SYN2: variants seen among roughly 807,000 people sequenced by gnomAD.
SYN2 encodes the protein synapsin-2.
SYN2 carries 19 observed loss-of-function variants against 50.9 expected under a neutral mutation model. The observed-to-expected ratio is 0.37, with a 90% CI of 0.26 to 0.55. SYN2 has a LOEUF of 0.55. Among genes scored for constraint, SYN2 ranks in the 20% least tolerant of loss-of-function variants. The pLI is 0.81. For missense variants in SYN2, 587 were observed against 576.4 expected, an observed-to-expected ratio of 1.02 and a Z score of -0.19; for synonymous variants, 255 against 224.9, an observed-to-expected ratio of 1.13 and a Z score of -1.20.
rs1203518437 is a variant in SYN2, at chr3:12,030,244, G to A, written c.377+25316G>A. Among the ~76,000 whole-genome samples, 21 of 122,084 alleles carry A rather than the reference G, an allele frequency of 1.7e-4. No homozygotes were observed. The East Asian group carries it at 4.7e-3, about 27-fold the overall frequency. 80.1% of individuals were successfully genotyped at this position (122,084 alleles called of 152,430 possible). On this transcript the variant is annotated intron_variant, in intron 1 of 12. Transcript: ENST00000621198. ...GGATGAAGCCCACTTGATCATGGTG[G>A]ATAAGCTTTTTGATGTGCTGCTGGA...
intron 1 of SYN2, among the ~76,000 whole-genome samples, chr3:12,081,734 A>G (rs901950149): frequency 1.3e-5 from 2 of 152,054 alleles, no homozygotes; most frequent in Non-Finnish European, 2.9e-5. Context: ...TCTTCCACCA[A>G]TCCTCAGGTT....
chr3:12,127,133 G>T (rs1696688142), intron 1 of SYN2, among the ~76,000 whole-genome samples: 1 of 152,130 alleles, frequency 6.6e-6, no homozygotes, highest in African/African-American at 2.4e-5. Flanking sequence ...AAACACTAGG[G>T]GTAAAAATGA....
chr3:12,168,524 A>T lies in SYN2; in HGVS notation c.1158+46A>T, dbSNP rs552723894. The T allele has an allele frequency of 8.5e-6, 13 of 1,521,656 alleles. No individual in the cohort carries two copies. In the African/African-American group the frequency reaches 1.5e-4, roughly 18 times the overall value. The allele number at this position is 1,521,656 out of a possible 1,614,324, so 94.3% of individuals were successfully genotyped here. ...AAGAGGTAACTCCTAAGGCTTAAGA[A>T]CTATGTGGGCAGCTCAGACTGCCTT... On this transcript the variant is annotated intron_variant, in intron 9 of 12. Coordinates refer to ENST00000621198, the MANE Select transcript of SYN2 (RefSeq NM_133625.6).
chr3:12,187,299 A>C, intron 11 of SYN2, 70 bp from the exon 12 acceptor site: 1 of 1,462,430 alleles, frequency 6.8e-7, no homozygotes, highest in South Asian at 1.4e-5. Flanking sequence ...ACACCCTTTG[A>C]GGCATAAATT....
chr3:12,104,570 C>CTTTTTTTTTTTTTTTTTT lies in SYN2; in HGVS notation c.378-36076_378-36059dup, dbSNP rs796837275. 1.6e-3 allele frequency among the ~76,000 whole-genome samples: 132 copies of CTTTTTTTTTTTTTTTTTT among 81,702 alleles called. 1 individual carries two copies. Among genetic ancestry groups the CTTTTTTTTTTTTTTTTTT allele is most frequent in the Admixed American group, 2.5e-3 (12 of 4,748 alleles). The allele number at this position is 81,702 out of a possible 152,430, so 53.6% of individuals were successfully genotyped here. On this transcript the variant is annotated intron_variant, in intron 1 of 12. Transcript: ENST00000621198. The stretch of plus-strand genomic sequence containing the variant: ...ATGTGAAACATTTTTCTTTTCTTTT[C>CTTTTTTTTTTTTTTTTTT]TTTTTTTTTTTTTTTTTTTTTTGAG...
chr3:12,069,012 CAT>C (rs1293454890), intron 1 of SYN2, among the ~76,000 whole-genome samples: 2 of 152,188 alleles, frequency 1.3e-5, no homozygotes, highest in Non-Finnish European at 2.9e-5. Flanking sequence ...TAAATGGAGT[CAT>C]ATAATATATG....
chr3:12,150,413 G>A (rs1697254634), intron 4 of SYN2, among the ~76,000 whole-genome samples: 1 of 152,144 alleles, frequency 6.6e-6, no homozygotes, highest in Non-Finnish European at 1.5e-5. Flanking sequence ...GAAATGAAGG[G>A]GCCTTGCTGT....
At chr3:12,091,200 GAAC>G (rs2125181689) in intron 1 of SYN2, among the ~76,000 whole-genome samples, 1 of 152,226 alleles carries the variant, frequency 6.6e-6, no homozygotes, top group African/African-American at 2.4e-5. Flanking sequence ...TATATACTAA[GAAC>G]AATCATTGTG....
At chr3:12,062,830 A>G (rs1695143196) in intron 1 of SYN2, among the ~76,000 whole-genome samples, 1 of 152,060 alleles carries the variant, frequency 6.6e-6, no homozygotes, top group Admixed American at 6.6e-5. Flanking sequence ...ACTGGAAGCA[A>G]CCAAGATGTC....
chr3:12,104,538 T>TA (rs1463751473), intron 1 of SYN2, among the ~76,000 whole-genome samples: 2 of 151,172 alleles, frequency 1.3e-5, no homozygotes, highest in African/African-American at 4.8e-5. Context: ...ACCTCCGTTT[T>TA]AAGTACATGT....
chr3:12,091,776 C>G (rs1170533759), intron 1 of SYN2, among the ~76,000 whole-genome samples: 1 of 152,192 alleles, frequency 6.6e-6, no homozygotes, highest in Non-Finnish European at 1.5e-5. Context: ...CACTCAACAT[C>G]TCTGCAGGCT....
chr3:12,154,365 T>C lies in SYN2; in HGVS notation c.774+3039T>C. On this transcript the variant is annotated intron_variant, in intron 5 of 12. Coordinates refer to ENST00000621198, the MANE Select transcript of SYN2 (RefSeq NM_133625.6). ...TTCAGATGGTAGTGATGATTCAGAC[T>C]TTCCCTCTGCACCAAGGACAGGTCC... 1 of 1,614,224 alleles carries C rather than the reference T, an allele frequency of 6.2e-7. No homozygotes were observed. The highest frequency in any genetic ancestry group is 1.3e-5 in the African/African-American group (1 of 75,058).
Position 12,188,663 on chromosome 3 carries a change from A to C in SYN2, c.1613+1051A>C, listed in dbSNP as rs1382446248. On this transcript the variant is annotated intron_variant, in intron 12 of 12. Coordinates refer to ENST00000621198, the MANE Select transcript of SYN2 (RefSeq NM_133625.6). ...TACTCCTCTAATTAGTGGCAGAGCC[A>C]AGGTTGCGGGGCTCAGGTGTCCAGA... Among the ~76,000 whole-genome samples the C allele has an allele frequency of 2.6e-5, 4 of 152,054 alleles. No homozygotes were observed. The South Asian group carries it at 6.2e-4, about 24-fold the overall frequency.
intron 1 of SYN2, among the ~76,000 whole-genome samples, chr3:12,066,242 G>A (rs979923532): frequency 8.5e-5 from 13 of 152,134 alleles, no homozygotes; most frequent in Admixed American, 8.5e-4. Flanking sequence ...CCATACTGAT[G>A]TAAAATGATA....
chr3:12,112,684 G>A (rs1574947392), intron 1 of SYN2, among the ~76,000 whole-genome samples: 1 of 152,270 alleles, frequency 6.6e-6, no homozygotes, highest in East Asian at 1.9e-4. Flanking sequence ...AGAGGAGAAA[G>A]TATTCAACCA....
At chr3:12,056,356 CTGGA>C (rs1694988641) in intron 1 of SYN2, among the ~76,000 whole-genome samples, 1 of 151,706 alleles carries the variant, frequency 6.6e-6, no homozygotes, top group Non-Finnish European at 1.5e-5. Flanking sequence ...GTTTATTAAC[CTGGA>C]TGGTGGATAC....
rs982760832 is a variant in SYN2, at chr3:12,076,956, A to C, written c.378-63695A>C. 3.9e-5 allele frequency among the ~76,000 whole-genome samples: 6 copies of C among 152,130 alleles called. No individual in the cohort carries two copies. In the East Asian group the frequency reaches 1.2e-3, roughly 29 times the overall value. On this transcript the variant is annotated intron_variant, in intron 1 of 12. Transcript: ENST00000621198. ...ATTGTGTGGTTTTAGATGGAAGAAGAGGTGTTGAAGGAAGACTGAGCCAGC... is the reference window on the plus strand; with the variant it reads ...ATTGTGTGGTTTTAGATGGAAGAAGCGGTGTTGAAGGAAGACTGAGCCAGC...
At chr3:12,187,268 C>A in intron 11 of SYN2, 101 bp from the exon 12 acceptor site, 1 of 1,427,810 alleles carries the variant, frequency 7.0e-7, no homozygotes, top group Non-Finnish European at 9.3e-7. Context: ...TAGAGCTTAT[C>A]CTTTGGGTAA....
intron 1 of SYN2, among the ~76,000 whole-genome samples, chr3:12,015,662 C>G (rs539442182): frequency 6.6e-5 from 10 of 152,284 alleles, no homozygotes; most frequent in Non-Finnish European, 1.0e-4. Flanking sequence ...GATTACGTAC[C>G]TGCTCGCACC....
Sources: allele counts gnomAD v4.1 joint callset (sites outside exome capture counted in the v4.1 genomes callset), GRCh38; gene constraint gnomAD v4.1.1; transcripts MANE v1.5; gene names NCBI Gene and HGNC (gene_info 2026-07-23, HGNC 2026-07-21).